Variants in ESRRG observed in about 807,000 individuals in gnomAD.
ESRRG encodes estrogen-related receptor gamma.
In ESRRG, 13 loss-of-function variants were observed where a neutral mutation model predicts 44.0. The ratio of observed to expected loss-of-function variants is 0.30; its 90% CI spans 0.19 to 0.47. ESRRG has a LOEUF of 0.47. ESRRG is among the 20% of genes least tolerant of loss of function. The probability of loss-of-function intolerance (pLI) is 1.00; values close to 1 mark genes in which losing one functional copy is unlikely to be tolerated. For missense variants in ESRRG, 395 were observed against 580.6 expected (o/e 0.68, Z 3.29); for synonymous variants, 215 against 214.6 (o/e 1.00, Z -0.02).
intron 2 of ESRRG, among the ~76,000 whole-genome samples, chr1:216,905,564 C>G (rs539240457): frequency 3.9e-5 from 6 of 152,218 alleles, no homozygotes; most frequent in African/African-American, 1.4e-4. Context: ...TGTATACTTA[C>G]GTAATAACGG....
chr1:216,725,206 T>C (rs1379564642), upstream of ESRRG, among the ~76,000 whole-genome samples: 1 of 152,146 alleles, frequency 6.6e-6, no homozygotes, highest in African/African-American at 2.4e-5. Flanking sequence ...CCTAATTCCT[T>C]TTATTTGTGT....
chr1:217,051,927 A>C (rs955884559), intron 1 of ESRRG, among the ~76,000 whole-genome samples: 1 of 151,384 alleles, frequency 6.6e-6, no homozygotes, highest in East Asian at 1.9e-4. Flanking sequence ...CCACACCCAG[A>C]TAATTATTTA....
chr1:217,039,327 T>G (rs1182816648), intron 1 of ESRRG, among the ~76,000 whole-genome samples: 1 of 152,156 alleles, frequency 6.6e-6, no homozygotes, highest in Non-Finnish European at 1.5e-5. Context: ...ACTGTATTAG[T>G]GCGTTTTCAT....
intron 3 of ESRRG, among the ~76,000 whole-genome samples, chr1:216,613,197 C>T (rs1221263729): frequency 6.6e-6 from 1 of 152,042 alleles, no homozygotes; most frequent in Non-Finnish European, 1.5e-5. Flanking sequence ...AGTTTAAATA[C>T]TATATTGGAA....
intron 1 of ESRRG, among the ~76,000 whole-genome samples, chr1:217,037,971 A>G (rs377302048): frequency 1.3e-5 from 2 of 152,172 alleles, no homozygotes; most frequent in East Asian, 3.9e-4. Context: ...ATGCTGATGC[A>G]AAAGGGGGGT....
intron 5 of ESRRG, among the ~76,000 whole-genome samples, chr1:216,549,879 A>AT (rs574058922): frequency 1.4e-4 from 22 of 152,004 alleles, no homozygotes; most frequent in African/African-American, 2.2e-4. Flanking sequence ...TTGTAAGTTC[A>AT]TTTTTTTTAA....
chr1:216,643,597 C>T (rs1009055120), intron 3 of ESRRG, among the ~76,000 whole-genome samples: 7 of 152,288 alleles, frequency 4.6e-5, no homozygotes, highest in Admixed American at 3.3e-4. Context: ...ATTTGACCTT[C>T]ATGACTCCTG....
At chr1:217,044,634 T>C (rs1353088622) in intron 1 of ESRRG, among the ~76,000 whole-genome samples, 1 of 152,138 alleles carries the variant, frequency 6.6e-6, no homozygotes, top group African/African-American at 2.4e-5. Context: ...ACACAATCAT[T>C]GACTATAAAT....
intron 1 of ESRRG, among the ~76,000 whole-genome samples, chr1:216,970,289 A>G (rs986605226): frequency 2.0e-5 from 3 of 152,244 alleles, no homozygotes; most frequent in Non-Finnish European, 4.4e-5. Context: ...AATTTGAATT[A>G]GTGAATACTA....
At chr1:216,976,308 G>A (rs1321586634) in intron 1 of ESRRG, among the ~76,000 whole-genome samples, 1 of 151,682 alleles carries the variant, frequency 6.6e-6, no homozygotes, top group Admixed American at 6.6e-5. Context: ...GTGTGTGTGT[G>A]TGTGTGTGTG....
At chr1:216,939,767 A>G (rs945342413) in intron 1 of ESRRG, 1 of 152,084 alleles carries the variant, frequency 6.6e-6, no homozygotes, top group African/African-American at 2.4e-5. Flanking sequence ...TGCATTTAAT[A>G]AAATCTCCCA....
intron 2 of ESRRG, among the ~76,000 whole-genome samples, chr1:216,838,851 C>T (rs930331810): frequency 6.6e-6 from 1 of 152,172 alleles, no homozygotes; most frequent in Non-Finnish European, 1.5e-5. Flanking sequence ...TAATGGTCAT[C>T]TGAGCCTTCA....
chr1:216,910,517 T>C (rs1237329265), intron 2 of ESRRG, among the ~76,000 whole-genome samples: 1 of 152,220 alleles, frequency 6.6e-6, no homozygotes, highest in East Asian at 1.9e-4. Context: ...TATATTTTCA[T>C]AAAAGCCTTG....
intron 5 of ESRRG, among the ~76,000 whole-genome samples, chr1:216,556,544 C>A (rs1344621118): frequency 2.0e-5 from 3 of 152,116 alleles, no homozygotes; most frequent in Non-Finnish European, 4.4e-5. Flanking sequence ...AAATGCAGTT[C>A]AACTCAGGTC....
intron 2 of ESRRG, among the ~76,000 whole-genome samples, chr1:216,823,634 T>A (rs949651814): frequency 1.3e-5 from 2 of 152,224 alleles, no homozygotes; most frequent in African/African-American, 4.8e-5. Context: ...CTTTCTAGGC[T>A]GACAAACACA....
intron 2 of ESRRG, among the ~76,000 whole-genome samples, chr1:216,736,235 T>C: frequency 7.2e-6 from 1 of 138,094 alleles, no homozygotes; most frequent in South Asian, 2.3e-4. Context: ...CAGGCTGGAG[T>C]GCAGTGGCGC....
In ESRRG at chr1:216,542,671, T is replaced by A. The variant is rs2053259234; in HGVS notation, c.862+21548A>T. On this transcript the variant is annotated intron_variant, in intron 5 of 6. Coordinates refer to ENST00000408911, the MANE Select transcript of ESRRG (RefSeq NM_001438.4). ...CTCATTTACTACATAAAATTAAAGTTCTTAATGACTCCAACTGTGTTTTAA... is the reference window on the plus strand; with the variant it reads ...CTCATTTACTACATAAAATTAAAGTACTTAATGACTCCAACTGTGTTTTAA... Among the ~76,000 whole-genome samples the A allele has an allele frequency of 2.0e-5, 3 of 152,176 alleles. No individual in the cohort carries two copies. In the South Asian group the frequency reaches 6.2e-4, roughly 32 times the overall value.
At chr1:216,971,016 G>C (rs939570959) in intron 1 of ESRRG, among the ~76,000 whole-genome samples, 1 of 152,170 alleles carries the variant, frequency 6.6e-6, no homozygotes, top group Non-Finnish European at 1.5e-5. Flanking sequence ...CCCAGGGTGG[G>C]GGCAGAACCA....
At chr1:216,874,942 C>A (rs1435597498) in intron 2 of ESRRG, among the ~76,000 whole-genome samples, 1 of 152,148 alleles carries the variant, frequency 6.6e-6, no homozygotes, top group African/African-American at 2.4e-5. Flanking sequence ...TGGACTTATA[C>A]CAGTGGTTTG....
Sources: gnomAD v4.1 joint callset for allele counts (sites outside exome capture counted in the v4.1 genomes callset) on GRCh38, gnomAD v4.1.1 for gene constraint, MANE v1.5 for transcripts, NCBI Gene and HGNC (gene_info 2026-07-23, HGNC 2026-07-21) for gene names.